Variants in OTULINL observed in about 807,000 individuals in gnomAD.
OTULINL encodes inactive ubiquitin thioesterase OTULINL.
Under a neutral mutation model 43.9 loss-of-function variants are expected in OTULINL, and 42 were observed. That is an observed-to-expected ratio of 0.96 (90% CI 0.75 to 1.24). The LOEUF is 1.24. Ranked by LOEUF, OTULINL falls within the 50% of genes most tolerant of loss-of-function variation. The pLI is 0.00. For missense variants in OTULINL, 411 were observed against 426.4 expected (o/e 0.96, Z 0.32); for synonymous variants, 172 against 153.6 (o/e 1.12, Z -0.88).
intron 5 of OTULINL, 97 bp from the exon 6 acceptor site, chr5:14,607,233 A>C: frequency 7.4e-7 from 1 of 1,356,480 alleles, no homozygotes; most frequent in African/African-American, 1.5e-5. Flanking sequence ...CCATCTCGAA[A>C]AAAAAAAAGA....
chr5:14,611,808 C>T lies in OTULINL; in HGVS notation c.*1494C>T, dbSNP rs1759587312. On this transcript the variant is annotated 3_prime_UTR_variant, in exon 8 of 8. Coordinates refer to ENST00000274217, the MANE Select transcript of OTULINL (RefSeq NM_019018.3). ...TATATTACTTCAAAGTCACAAATCC[C>T]TTTCTAAGAATGACTTACTTCACGA... is the stretch of plus-strand genomic sequence containing the variant. 6.6e-6 allele frequency: 1 copy of T among 152,014 alleles called. No homozygotes were observed. Among genetic ancestry groups the T allele is most frequent in the African/African-American group, 2.4e-5 (1 of 41,372 alleles). 9.4% of individuals were successfully genotyped at this position (152,014 alleles called of 1,614,324 possible).
intron 1 of OTULINL, among the ~76,000 whole-genome samples, chr5:14,587,346 A>G (rs1759124689): frequency 1.3e-5 from 2 of 152,232 alleles, no homozygotes; most frequent in Admixed American, 1.3e-4. Flanking sequence ...GCTGATAGGA[A>G]GGGGAAGTGG....
rs539657256 is a variant in OTULINL, at chr5:14,605,357, A to G, written c.499-1973A>G. Among the ~76,000 whole-genome samples, 92 of 114,750 alleles carry G rather than the reference A, an allele frequency of 8.0e-4. 1 individual carries two copies. Among genetic ancestry groups the G allele is most frequent in the African/African-American group, 2.7e-3 (81 of 29,514 alleles). The allele number at this position is 114,750 out of a possible 152,430, so 75.3% of individuals were successfully genotyped here. A position where few individuals can be genotyped will look rare whatever the true frequency, so the allele number is the denominator to read the frequency against. ...AGCAGAGGGACCCTGGACCTGGCCC[A>G]TGGAACTGCTTTTTGCTCCTAGGTG... On this transcript the variant is annotated intron_variant, in intron 5 of 7. Transcript: ENST00000274217.
chr5:14,586,700 TGG>T (rs1402671233), intron 1 of OTULINL, among the ~76,000 whole-genome samples: 1 of 151,984 alleles, frequency 6.6e-6, no homozygotes, highest in Non-Finnish European at 1.5e-5. Context: ...CTTCTAACAG[TGG>T]GAGTGATAAA....
intron 6 of OTULINL, 76 bp downstream of exon 6, chr5:14,607,534 T>A: frequency 6.4e-7 from 1 of 1,555,802 alleles, no homozygotes; most frequent in East Asian, 2.3e-5. Flanking sequence ...TTCTCTGATG[T>A]CAGGGACATT....
At chr5:14,606,729 T>G (rs571205348) in intron 5 of OTULINL, among the ~76,000 whole-genome samples, 1 of 152,312 alleles carries the variant, frequency 6.6e-6, no homozygotes, top group African/African-American at 2.4e-5. Context: ...TAACATCATT[T>G]GGTTAAAAAT....
chr5:14,599,755 A>G (rs891840102), intron 1 of OTULINL, among the ~76,000 whole-genome samples: 2 of 152,212 alleles, frequency 1.3e-5, no homozygotes, highest in Admixed American at 1.3e-4. Context: ...ATGTGCTCAA[A>G]CATAATAAGG....
intron 1 of OTULINL, among the ~76,000 whole-genome samples, chr5:14,597,474 C>T (rs949210463): frequency 6.6e-6 from 1 of 152,228 alleles, no homozygotes; most frequent in Non-Finnish European, 1.5e-5. Context: ...CTAGAGACTT[C>T]TTACTGCCTG....
At chr5:14,606,941 A>G (rs770878556) in intron 5 of OTULINL, among the ~76,000 whole-genome samples, 1 of 152,224 alleles carries the variant, frequency 6.6e-6, no homozygotes, top group Admixed American at 6.5e-5. Flanking sequence ...AAATGAGGTA[A>G]GTTTGGGCCG....
intron 1 of OTULINL, among the ~76,000 whole-genome samples, chr5:14,590,618 C>A (rs1200262764): frequency 6.6e-6 from 1 of 152,030 alleles, no homozygotes. Flanking sequence ...CAGTGTGGTC[C>A]CATCAGCAAG....
At chr5:14,582,002 G>C (rs1759008820) in intron 1 of OTULINL, 44 bp downstream of exon 1, 1 of 1,210,468 alleles carries the variant, frequency 8.3e-7, no homozygotes, top group Non-Finnish European at 1.0e-6. Flanking sequence ...GCGCGAGCAG[G>C]GACCGTCAAG....
chr5:14,581,862 C>A lies in OTULINL; in HGVS notation c.-33C>A. The A allele has an allele frequency of 1.4e-6, 2 of 1,393,806 alleles. No individual in the cohort carries two copies. The highest frequency in any genetic ancestry group is 1.5e-5 in the South Asian group (1 of 67,582). 86.3% of individuals were successfully genotyped at this position (1,393,806 alleles called of 1,614,324 possible). ...TGACAGACCACTGCAGACCACGGGCCGAGGCCCAGCGCCCGTCCGCAGCGC... is the reference window on the plus strand; with the variant it reads ...TGACAGACCACTGCAGACCACGGGCAGAGGCCCAGCGCCCGTCCGCAGCGC... On this transcript the variant is annotated 5_prime_UTR_variant, in exon 1 of 8. Transcript: ENST00000274217.
chr5:14,600,366 G>A (rs987942314), intron 1 of OTULINL, among the ~76,000 whole-genome samples: 7 of 152,270 alleles, frequency 4.6e-5, no homozygotes, highest in African/African-American at 1.4e-4. Context: ...ACCCAGTCTC[G>A]GGTATGTCTT....
rs994372847 is a variant in OTULINL, at chr5:14,613,214, G to A, written c.*2900G>A. Among the ~76,000 whole-genome samples, 3 of 152,108 alleles carry A rather than the reference G, an allele frequency of 2.0e-5. No homozygotes were observed. Among genetic ancestry groups the A allele is most frequent in the Admixed American group, 6.6e-5 (1 of 15,266 alleles). On this transcript the variant is annotated 3_prime_UTR_variant, in exon 8 of 8. Transcript: ENST00000274217. The stretch of plus-strand genomic sequence containing the variant: ...TGGGATTACGGGTGTGAGCCACTGC[G>A]CCCGGCCCTAACAATTTTTAAGTGA...
intron 1 of OTULINL, among the ~76,000 whole-genome samples, chr5:14,594,850 C>T (rs1759259443): frequency 6.6e-6 from 1 of 151,930 alleles, no homozygotes; most frequent in South Asian, 2.1e-4. Context: ...TCTGCTTGCT[C>T]ACCCACCCCC....
intron 1 of OTULINL, among the ~76,000 whole-genome samples, chr5:14,596,084 T>G (rs1269713445): frequency 1.3e-5 from 2 of 152,226 alleles, no homozygotes; most frequent in Non-Finnish European, 2.9e-5. Flanking sequence ...TGTGGACTTG[T>G]GAAACTTCAC....
At chr5:14,592,460 T>A (rs1215975969) in intron 1 of OTULINL, among the ~76,000 whole-genome samples, 3 of 152,206 alleles carry the variant, frequency 2.0e-5, no homozygotes, top group Non-Finnish European at 4.4e-5. Context: ...ACTTCTTTTC[T>A]GTGCTTCAGT....
Position 14,615,340 on chromosome 5 carries a change from C to T in OTULINL, c.*5026C>T, listed in dbSNP as rs1326984863. Among the ~76,000 whole-genome samples the T allele has an allele frequency of 2.0e-5, 3 of 152,192 alleles. No homozygotes were observed. Among genetic ancestry groups the T allele is most frequent in the Admixed American group, 6.5e-5 (1 of 15,274 alleles). Reference sequence around the variant, plus strand: ...TCAAGTCCATGCCAGGTCATGGCTTCGTCCGCCTCCCAGCATGTACCTGGA... The same window carrying T: ...TCAAGTCCATGCCAGGTCATGGCTTTGTCCGCCTCCCAGCATGTACCTGGA... On this transcript the variant is annotated 3_prime_UTR_variant, in exon 8 of 8. Coordinates refer to ENST00000274217, the MANE Select transcript of OTULINL (RefSeq NM_019018.3).
chr5:14,602,349 G>A lies in OTULINL; in HGVS notation c.498+17G>A. On this transcript the variant is annotated intron_variant, in intron 5 of 7. Coordinates refer to ENST00000274217, the MANE Select transcript of OTULINL (RefSeq NM_019018.3). ...ATTGTTAAGGTATGTCTTCCCCCTG[G>A]AAATGTGGGAAATGTCATGTTGACA... The A allele has an allele frequency of 6.2e-7, 1 of 1,605,640 alleles. No homozygotes were observed. Among genetic ancestry groups the A allele is most frequent in the Non-Finnish European group, 8.5e-7 (1 of 1,176,136 alleles).
Sources: gnomAD v4.1 joint callset for allele counts (sites outside exome capture counted in the v4.1 genomes callset) on GRCh38, gnomAD v4.1.1 for gene constraint, MANE v1.5 for transcripts, NCBI Gene and HGNC (gene_info 2026-07-23, HGNC 2026-07-21) for gene names.